Variants in MID1 observed in about 807,000 individuals in gnomAD.
MID1 encodes E3 ubiquitin-protein ligase Midline-1.
MID1 carries 7 observed loss-of-function variants against 40.4 expected under a neutral mutation model. The ratio of observed to expected loss-of-function variants is 0.17; its 90% CI spans 0.10 to 0.33. The LOEUF is 0.33. Among genes scored for constraint, MID1 ranks in the 10% least tolerant of loss-of-function variants. The pLI, the probability that MID1 is intolerant of heterozygous loss-of-function variation, is 1.00. For synonymous variants in MID1, 229 were observed against 221.2 expected, an observed-to-expected ratio of 1.04 and a Z score of -0.31; for missense variants, 367 against 558.5, an observed-to-expected ratio of 0.66 and a Z score of 3.46.
intron 2 of MID1, among the ~76,000 whole-genome samples, chrX:10,551,957 A>T (rs1339343302): frequency 5.5e-5 from 6 of 109,591 alleles, no homozygotes; most frequent in Non-Finnish European, 7.6e-5. Context: ...ATTTTTTTTT[A>T]TTTTTATTTT....
At chrX:10,637,821 C>G (rs1290038143) in intron 1 of MID1, among the ~76,000 whole-genome samples, 2 of 111,208 alleles carry the variant, frequency 1.8e-5, no homozygotes, top group African/African-American at 6.6e-5. Context: ...TAGTAATGTA[C>G]AGATGAACTT....
intron 1 of MID1, among the ~76,000 whole-genome samples, chrX:10,663,614 G>A (rs2042931428): frequency 9.0e-6 from 1 of 111,170 alleles, no homozygotes; most frequent in Admixed American, 9.6e-5. Flanking sequence ...TGTGGAATCT[G>A]GGTTTTAATC....
intron 1 of MID1, among the ~76,000 whole-genome samples, chrX:10,783,177 G>A (rs756035299): frequency 4.1e-4 from 46 of 111,557 alleles, no homozygotes; most frequent in Non-Finnish European, 8.3e-4. Context: ...ACAGTAATGG[G>A]AGTTCTGTTC....
At chrX:10,592,146 GGTGTGT>G (rs61450722) in intron 1 of MID1, among the ~76,000 whole-genome samples, 2 of 102,317 alleles carry the variant, frequency 2.0e-5, no homozygotes, top group Admixed American at 1.1e-4. Context: ...AATGGCTTGT[GGTGTGT>G]GTGTGTGTGT....
chrX:10,493,804 ATGTT>A (rs1217364606), intron 4 of MID1, among the ~76,000 whole-genome samples: 1 of 112,228 alleles, frequency 8.9e-6, no homozygotes. Context: ...ATAAATATAA[ATGTT>A]TGTCAATTTA....
intron 1 of MID1, among the ~76,000 whole-genome samples, chrX:10,763,409 T>G (rs1344624595): frequency 3.0e-5 from 3 of 99,178 alleles, no homozygotes; most frequent in Non-Finnish European, 5.9e-5. Flanking sequence ...AGTGAGAACA[T>G]GCAGTGTTTG....
intron 1 of MID1, among the ~76,000 whole-genome samples, chrX:10,789,610 G>C (rs2043914847): frequency 8.9e-6 from 1 of 112,344 alleles, no homozygotes; most frequent in Non-Finnish European, 1.9e-5. Flanking sequence ...GTAGCAGGCT[G>C]CACCATCTAG....
intron 1 of MID1, among the ~76,000 whole-genome samples, chrX:10,801,910 C>G (rs770722016): frequency 8.9e-6 from 1 of 111,734 alleles, no homozygotes; most frequent in Non-Finnish European, 1.9e-5. Flanking sequence ...GAGGCCAGCA[C>G]GGTGGCTCAT....
chrX:10,617,228 TC>T (rs1485568150), intron 1 of MID1, among the ~76,000 whole-genome samples: 1 of 112,124 alleles, frequency 8.9e-6, no homozygotes, highest in Non-Finnish European at 1.9e-5. Context: ...TTCTCTGCCT[TC>T]GTCTCACCAT....
At chrX:10,516,402 G>A (rs1416786837) in intron 3 of MID1, among the ~76,000 whole-genome samples, 5 of 109,282 alleles carry the variant, frequency 4.6e-5, no homozygotes, top group African/African-American at 1.3e-4. Flanking sequence ...CACCGTGTTA[G>A]CCAGGATGGT....
chrX:10,798,317 G>A (rs1186943235), intron 1 of MID1, among the ~76,000 whole-genome samples: 1 of 111,864 alleles, frequency 8.9e-6, no homozygotes, highest in Admixed American at 9.5e-5. Flanking sequence ...ACGTGACTGG[G>A]AGCCTATCAA....
At chrX:10,674,329 C>T (rs1156942306) in intron 1 of MID1, among the ~76,000 whole-genome samples, 3 of 112,313 alleles carry the variant, frequency 2.7e-5, no homozygotes, top group Non-Finnish European at 3.8e-5. Flanking sequence ...GCTGAAACCA[C>T]ATTCGCAACT....
chrX:10,714,162 GC>G (rs1160222620), intron 1 of MID1, among the ~76,000 whole-genome samples: 1 of 112,306 alleles, frequency 8.9e-6, no homozygotes, highest in African/African-American at 3.2e-5. Flanking sequence ...ATAGCAAGAT[GC>G]TTTTCCTTTG....
At chrX:10,746,539 C>T (rs1486186713) in intron 1 of MID1, among the ~76,000 whole-genome samples, 5 of 111,824 alleles carry the variant, frequency 4.5e-5, no homozygotes, top group Non-Finnish European at 7.5e-5. Flanking sequence ...GTTTAGGAGT[C>T]TTTTCTGAAG....
intron 1 of MID1, among the ~76,000 whole-genome samples, chrX:10,692,400 G>A (rs778629145): frequency 1.8e-5 from 2 of 111,248 alleles, no homozygotes; most frequent in Non-Finnish European, 3.8e-5. Flanking sequence ...CTGGGGGCTG[G>A]TTCCCCCGAT....
intron 6 of MID1, among the ~76,000 whole-genome samples, chrX:10,471,037 G>A (rs1387673443): frequency 9.0e-6 from 1 of 111,651 alleles, no homozygotes; most frequent in Admixed American, 9.5e-5. Context: ...GTGGCCATAT[G>A]GACTGCAAAG....
intron 1 of MID1, among the ~76,000 whole-genome samples, chrX:10,653,203 T>C (rs1307530526): frequency 8.9e-6 from 1 of 112,446 alleles, no homozygotes. Flanking sequence ...TAGCTTCCTA[T>C]GCTCTTTGCA....
At chrX:10,472,611 C>T (rs1211313609) in intron 6 of MID1, among the ~76,000 whole-genome samples, 2 of 112,357 alleles carry the variant, frequency 1.8e-5, no homozygotes, top group African/African-American at 6.5e-5. Flanking sequence ...AGATACAGCC[C>T]ACCAGACATA....
rs370342905 is a variant in MID1 at position 10,822,589 on chromosome X, C to G, written c.-187+10965G>C. Among the ~76,000 whole-genome samples, 74 of 111,526 alleles carry G rather than the reference C, an allele frequency of 6.6e-4. No individual in the cohort carries two copies. In the South Asian group the frequency reaches 8.2e-3, roughly 12 times the overall value. On this transcript the variant is annotated intron_variant, in intron 1 of 10. Transcript: ENST00000380785. The stretch of plus-strand genomic sequence containing the variant: ...ATAAAATTTTTTCACTCTGTCCATC[C>G]TACAAAGGTCTAATATCTAGAGTCT...
Sources: allele counts gnomAD v4.1 joint callset (sites outside exome capture counted in the v4.1 genomes callset), GRCh38; gene constraint gnomAD v4.1.1; transcripts MANE v1.5; gene names NCBI Gene and HGNC (gene_info 2026-07-23, HGNC 2026-07-21).